The following TACC2 variants were observed in gnomAD, a reference collection of about 807,000 sequenced individuals.
TACC2 encodes the protein transforming acidic coiled-coil containing protein 2.
TACC2 carries 137 observed loss-of-function variants against 227.3 expected under a neutral mutation model. The observed-to-expected ratio is 0.60, with a 90% CI of 0.52 to 0.69. The LOEUF (loss-of-function observed/expected upper bound fraction) is 0.69. Ranked by LOEUF, TACC2 falls within the 30% of genes least tolerant of loss-of-function variation. TACC2 has a pLI of 0.00. For missense variants in TACC2, 3,470 were observed against 3,694.4 expected (o/e 0.94, Z 1.57); for synonymous variants, 1,523 against 1,487.5 (o/e 1.02, Z -0.55).
At chr10:122,187,589 C>A (rs1177580859) in intron 7 of TACC2, among the ~76,000 whole-genome samples, 4 of 152,132 alleles carry the variant, frequency 2.6e-5, no homozygotes, top group Non-Finnish European at 5.9e-5. Flanking sequence ...CTCCCAGGTT[C>A]AAGTGATTCT....
intron 2 of TACC2, among the ~76,000 whole-genome samples, chr10:122,049,796 T>C (rs145828637): frequency 0.014 from 2,066 of 152,196 alleles, 16 homozygotes; most frequent in Non-Finnish European, 0.016. Context: ...AGCCTTATAT[T>C]TTTGCATCCT....
At position 122,226,464 on chromosome 10, in the gene TACC2, C is replaced by G. The variant is rs779772714; in HGVS notation, c.7707C>G (p.Ser2569=). ...VKSSPVRMSE[S]PTPCSGSSFE... ...CATCTCCCGTCCGCATGTCAGAGTC[C>G]CCGACGCCGTGTTCAGGGTATGACT... Residue 2569 remains serine, a synonymous_variant, in exon 13 of 23, where the codon TCC becomes TCG. Transcript: ENST00000369005. 2 of 1,613,512 alleles carry G rather than the reference C, an allele frequency of 1.2e-6. No individual in the cohort carries two copies. Among genetic ancestry groups the G allele is most frequent in the Non-Finnish European group, 1.7e-6 (2 of 1,179,652 alleles).
chr10:122,212,946 C>CTG (rs139523510), intron 9 of TACC2, among the ~76,000 whole-genome samples: 28,839 of 152,232 alleles, frequency 0.19, 3,357 homozygotes, highest in East Asian at 0.32. Context: ...GCTCTCTCAT[C>CTG]TGGAATGAGA....
At chr10:122,025,820 C>T (rs1208875971) in intron 2 of TACC2, among the ~76,000 whole-genome samples, 1 of 151,232 alleles carries the variant, frequency 6.6e-6, no homozygotes, top group South Asian at 2.1e-4. Flanking sequence ...GTGATCCACC[C>T]GCCTCGGCTG....
At chr10:122,037,428 C>T (rs1033938771) in intron 2 of TACC2, among the ~76,000 whole-genome samples, 2 of 152,156 alleles carry the variant, frequency 1.3e-5, no homozygotes, top group African/African-American at 4.8e-5. Flanking sequence ...TCAGGGCTCC[C>T]CAAGGAGGAA....
At chr10:122,134,397 C>G (rs530954952) in intron 6 of TACC2, among the ~76,000 whole-genome samples, 3 of 152,196 alleles carry the variant, frequency 2.0e-5, no homozygotes, top group Non-Finnish European at 2.9e-5. Flanking sequence ...AGGCTGTTCT[C>G]AAACTCCTGA....
chr10:122,163,720 C>G, intron 7 of TACC2: 1 of 1,072,900 alleles, frequency 9.3e-7, no homozygotes. Context: ...CACACATACG[C>G]GGCGCTCGCC....
At position 122,050,688 on chromosome 10, in the gene TACC2, C is replaced by A; in HGVS notation, c.146+138C>A. 1 of 659,720 alleles carries A rather than the reference C, an allele frequency of 1.5e-6. No homozygotes were observed. Among genetic ancestry groups the A allele is most frequent in the Non-Finnish European group, 2.6e-6 (1 of 377,628 alleles). 40.9% of individuals were successfully genotyped at this position (659,720 alleles called of 1,614,324 possible). On this transcript the variant is annotated intron_variant, in intron 3 of 22. Coordinates refer to ENST00000369005, the MANE Select transcript of TACC2 (RefSeq NM_206862.4). This position sits in a 1 kb window ranked among gnomAD's most constrained non-coding sequence, Gnocchi z 4.6. ...GTATCGTCCTCAGTGGTGAGATGTT[C>A]CAAGCAGTGGTTCACAGACCTCTCT... is the stretch of plus-strand genomic sequence containing the variant.
chr10:122,081,107 A>C (rs1042630594), intron 3 of TACC2, among the ~76,000 whole-genome samples: 9 of 152,212 alleles, frequency 5.9e-5, no homozygotes, highest in African/African-American at 2.2e-4. Flanking sequence ...GTGTAGGAAA[A>C]ATCAGGAAAT....
In TACC2 at chr10:122,087,945, G is replaced by A; in HGVS notation, c.5445G>A (p.Glu1815=). ...DPKLQHLAPE[E]LHTDRESPRP... is the part of the protein sequence containing the mutation. ...AGCTGCAACATTTGGCTCCAGAAGA[G>A]CTCCACACTGACAGGTACTTAAATG... The change falls in exon 4 of 23, where the codon GAG becomes GAA. Residue 1815 remains glutamate, a synonymous_variant. Transcript: ENST00000369005. 2 of 1,508,192 alleles carry A rather than the reference G, an allele frequency of 1.3e-6. No individual in the cohort carries two copies. Among genetic ancestry groups the A allele is most frequent in the South Asian group, 1.4e-5 (1 of 73,650 alleles). The allele number at this position is 1,508,192 out of a possible 1,614,324, so 93.4% of individuals were successfully genotyped here.
Position 122,211,500 on chromosome 10 carries a change from T to C in TACC2, c.7075T>C (p.Ser2359Pro). The C allele has an allele frequency of 6.2e-7, 1 of 1,613,008 alleles. No individual in the cohort carries two copies. The highest frequency in any genetic ancestry group is 1.7e-4 in the Middle Eastern group (1 of 6,060). ...TTCTTCCACCTCAAAAATGCAGGAG[T>C]CTCCCAAACTGCCCCAACAATCATA... Reference protein sequence around the residue: ...PFSSTSKMQESPKLPQQSYNF... With the variant: ...PFSSTSKMQEPPKLPQQSYNF... The change falls in exon 9 of 23, where the codon TCT (serine) becomes CCT (proline). Residue 2359 changes from serine to proline, a missense_variant. Ser to Pro is a moderately conservative substitution (Grantham distance 74). Transcript: ENST00000369005.
intron 1 of TACC2, among the ~76,000 whole-genome samples, chr10:122,018,674 G>C (rs1384290171): frequency 6.6e-6 from 1 of 152,148 alleles, no homozygotes; most frequent in Non-Finnish European, 1.5e-5. Flanking sequence ...TTTCACTTCG[G>C]GTGAGGCTTT....
intron 5 of TACC2, among the ~76,000 whole-genome samples, chr10:122,098,574 G>A (rs1181159376): frequency 6.6e-6 from 1 of 152,128 alleles, no homozygotes; most frequent in Non-Finnish European, 1.5e-5. Flanking sequence ...TGTGTATAAT[G>A]CTAGGGTCCA....
intron 5 of TACC2, among the ~76,000 whole-genome samples, chr10:122,090,658 CA>C (rs2080703243): frequency 1.3e-5 from 2 of 151,726 alleles, no homozygotes; most frequent in African/African-American, 2.4e-5. Context: ...TTCATTTTAG[CA>C]GATTTTTAGT....
At chr10:122,077,202 A>G (rs1487764077) in intron 3 of TACC2, among the ~76,000 whole-genome samples, 1 of 151,530 alleles carries the variant, frequency 6.6e-6, no homozygotes, top group Non-Finnish European at 1.5e-5. Flanking sequence ...AGTATCCTTG[A>G]TTTGGGTTCA....
Position 122,050,188 on chromosome 10 carries a change from A to G in TACC2, c.34-250A>G, listed in dbSNP as rs529394239. ...CCAGTTTTGGTTTTTCTACTAAAGC[A>G]TTCAGTTGGAACTGCTTGTTTGACT... On this transcript the variant is annotated intron_variant, in intron 2 of 22. Coordinates refer to ENST00000369005, the MANE Select transcript of TACC2 (RefSeq NM_206862.4). The surrounding 1 kb of genome is among the most constrained non-coding windows in gnomAD (Gnocchi z 4.6). 3.9e-5 allele frequency among the ~76,000 whole-genome samples: 6 copies of G among 152,312 alleles called. No homozygotes were observed. In the South Asian group the frequency reaches 1.0e-3, roughly 26 times the overall value.
At chr10:122,213,476 C>A in intron 9 of TACC2, 1 of 1,237,508 alleles carries the variant, frequency 8.1e-7, no homozygotes, top group South Asian at 1.2e-5. Flanking sequence ...CCTCTGGCTG[C>A]TACTGATGTG....
At chr10:122,039,018 C>G (rs749264660) in intron 2 of TACC2, among the ~76,000 whole-genome samples, 1 of 152,164 alleles carries the variant, frequency 6.6e-6, no homozygotes, top group Admixed American at 6.5e-5. Context: ...CTCTGTCAGC[C>G]AGGCTGGAGT....
At chr10:122,237,921 C>T (rs750414136) in intron 17 of TACC2, 40 bp from the exon 18 acceptor site, 2 of 1,484,678 alleles carry the variant, frequency 1.3e-6, no homozygotes, top group South Asian at 1.1e-5. Flanking sequence ...TGAATTCACT[C>T]ATTTGGGGCT....
Sources: gnomAD v4.1 joint callset for allele counts (sites outside exome capture counted in the v4.1 genomes callset) on GRCh38, gnomAD v4.1.1 for gene constraint, Gnocchi (gnomAD v3.1) non-coding constraint, MANE v1.5 for transcripts, NCBI Gene and HGNC (gene_info 2026-07-23, HGNC 2026-07-21) for gene names.